The following EDA variants were observed in gnomAD, a reference collection of about 807,000 sequenced individuals.
EDA encodes ectodysplasin A.
EDA carries 2 observed loss-of-function variants against 23.6 expected under a neutral mutation model. That is an observed-to-expected ratio of 0.08 (90% confidence interval 0.03 to 0.27). The LOEUF (loss-of-function observed/expected upper bound fraction) is 0.27, where lower values mean the gene tolerates loss of function less well. Among genes scored for constraint, EDA ranks in the 10% least tolerant of loss-of-function variants. The pLI, the probability that EDA is intolerant of heterozygous loss-of-function variation, is 1.00. For missense variants in EDA, 229 were observed against 324.2 expected (o/e 0.71, Z 2.26); for synonymous variants, 131 against 132.0 (o/e 0.99, Z 0.05).
At chrX:69,925,341 T>C (rs1046856958) in intron 1 of EDA, among the ~76,000 whole-genome samples, 7 of 112,029 alleles carry the variant, frequency 6.2e-5, no homozygotes, top group African/African-American at 9.7e-5. Context: ...ACTTAGTTTA[T>C]TGAGAGTTTT....
chrX:69,888,977 G>GTT (rs2017873328), intron 1 of EDA, among the ~76,000 whole-genome samples: 1 of 13,247 alleles, frequency 7.5e-5, no homozygotes, highest in Non-Finnish European at 1.3e-4. Context: ...TTGTGGGGTA[G>GTT]TTATATATAT....
chrX:70,013,947 G>A (rs1365702707), intron 2 of EDA, among the ~76,000 whole-genome samples: 1 of 111,803 alleles, frequency 8.9e-6, no homozygotes, highest in Non-Finnish European at 1.9e-5. Flanking sequence ...TGGGCCCACG[G>A]CACAGCTGCC....
intron 2 of EDA, among the ~76,000 whole-genome samples, chrX:69,972,856 C>T (rs1192536209): frequency 8.9e-6 from 1 of 111,821 alleles, no homozygotes; most frequent in Admixed American, 9.5e-5. Context: ...GGCCTTCCAA[C>T]TACCTATTGC....
chrX:69,956,112 C>T (rs1187763838), intron 1 of EDA, among the ~76,000 whole-genome samples: 4 of 111,292 alleles, frequency 3.6e-5, no homozygotes, highest in African/African-American at 1.3e-4. Flanking sequence ...TAATTGTGTA[C>T]TTTGTCATGA....
At chrX:69,850,191 C>T (rs2017097622) in intron 1 of EDA, among the ~76,000 whole-genome samples, 1 of 111,989 alleles carries the variant, frequency 8.9e-6, no homozygotes, top group Non-Finnish European at 1.9e-5. Flanking sequence ...TCCTTAAAAA[C>T]AGATGGCCAG....
At chrX:69,638,236 A>G (rs1382312899) in intron 1 of EDA, among the ~76,000 whole-genome samples, 1 of 111,810 alleles carries the variant, frequency 8.9e-6, no homozygotes, top group Non-Finnish European at 1.9e-5. Context: ...GAATTATACA[A>G]AAAACAAGAA....
intron 1 of EDA, among the ~76,000 whole-genome samples, chrX:69,813,315 C>T: frequency 9.0e-6 from 1 of 111,370 alleles, no homozygotes; most frequent in Non-Finnish European, 1.9e-5. Context: ...GTCTCTGTAC[C>T]TTTGTACATT....
intron 1 of EDA, among the ~76,000 whole-genome samples, chrX:69,920,039 C>T (rs1439988719): frequency 9.0e-6 from 1 of 111,004 alleles, no homozygotes; most frequent in East Asian, 2.8e-4. Flanking sequence ...GCATACTTTT[C>T]TCCTTCTTTT....
intron 1 of EDA, among the ~76,000 whole-genome samples, chrX:69,654,036 T>G (rs1267153612): frequency 9.0e-6 from 1 of 111,263 alleles, no homozygotes; most frequent in Admixed American, 9.5e-5. Context: ...GGAGAAAATT[T>G]TTGCAACCTA....
intron 1 of EDA, among the ~76,000 whole-genome samples, chrX:69,922,241 A>T (rs1252992919): frequency 8.9e-6 from 1 of 112,352 alleles, no homozygotes; most frequent in Admixed American, 9.5e-5. Context: ...AATTTTGGTG[A>T]TTATGAGTAA....
chrX:69,681,261 C>G (rs1167473346), intron 1 of EDA, among the ~76,000 whole-genome samples: 1 of 110,000 alleles, frequency 9.1e-6, no homozygotes, highest in East Asian at 2.9e-4. Flanking sequence ...AACATTTTTT[C>G]CTTCATTTCA....
chrX:69,842,046 G>C, intron 1 of EDA, among the ~76,000 whole-genome samples: 1 of 112,254 alleles, frequency 8.9e-6, no homozygotes, highest in Non-Finnish European at 1.9e-5. Flanking sequence ...TCTGTGGCCT[G>C]TTAGGAACCA....
At position 69,630,980 on chromosome X, in the gene EDA, C is replaced by T. The variant is rs1233312663; in HGVS notation, c.396+14276C>T. Among the ~76,000 whole-genome samples the T allele has an allele frequency of 9.9e-5, 11 of 111,637 alleles. No individual in the cohort carries two copies. The Admixed American group carries it at 1.0e-3, about 11-fold the overall frequency. ...TTGGTTCACCTTAGGTAGGTCATTT[C>T]ATCTTTCTGGCTCTCTGTTTACTTA... On this transcript the variant is annotated intron_variant, in intron 1 of 7. Transcript: ENST00000374552.
Position 70,035,752 on chromosome X carries a change from G to A in EDA, c.*143G>A. 1.3e-6 allele frequency: 1 copy of A among 776,351 alleles called. No homozygotes were observed. Among genetic ancestry groups the A allele is most frequent in the Non-Finnish European group, 1.9e-6 (1 of 535,433 alleles). 64.0% of individuals were successfully genotyped at this position (776,351 alleles called of 1,213,427 possible). A position where few individuals can be genotyped will look rare whatever the true frequency, so the allele number is the denominator to read the frequency against. On this transcript the variant is annotated 3_prime_UTR_variant, in exon 8 of 8. Transcript: ENST00000374552. ...GCCCCAGTGTTATTTATTCCCCAGTGACTCCAGGGTGACAAGGCCTGCTTG... is the reference window on the plus strand; with the variant it reads ...GCCCCAGTGTTATTTATTCCCCAGTAACTCCAGGGTGACAAGGCCTGCTTG...
intron 1 of EDA, among the ~76,000 whole-genome samples, chrX:69,811,578 G>T (rs990907307): frequency 5.4e-5 from 6 of 111,567 alleles, no homozygotes; most frequent in African/African-American, 2.0e-4. Flanking sequence ...GGTAGTGATG[G>T]TTATTGCCCT....
intron 1 of EDA, among the ~76,000 whole-genome samples, chrX:69,711,978 TTG>T (rs2012069722): frequency 9.0e-6 from 1 of 111,417 alleles, no homozygotes. Flanking sequence ...GAAGGGTTTT[TTG>T]TGTCTCTATT....
At chrX:69,737,625 A>T (rs1468973528) in intron 1 of EDA, among the ~76,000 whole-genome samples, 2 of 112,527 alleles carry the variant, frequency 1.8e-5, no homozygotes, top group Non-Finnish European at 3.8e-5. Flanking sequence ...AAGAAGAATT[A>T]AAAAATGATT....
At chrX:69,624,789 CCTCTCTCTCT>C (rs751401580) in intron 1 of EDA, among the ~76,000 whole-genome samples, 19 of 95,777 alleles carry the variant, frequency 2.0e-4, no homozygotes, top group South Asian at 1.5e-3. Flanking sequence ...GTCAGAAGCT[CCTCTCTCTCT>C]CTCTCTCTCT....
At chrX:69,999,620 G>GAA (rs772656027) in intron 2 of EDA, among the ~76,000 whole-genome samples, 15,794 of 76,923 alleles carry the variant, frequency 0.21, 1,647 homozygotes, top group Non-Finnish European at 0.27. Context: ...CTGTCTCAGA[G>GAA]AAAAAAAAAA....
Sources: gnomAD v4.1 joint callset for allele counts (sites outside exome capture counted in the v4.1 genomes callset) on GRCh38, gnomAD v4.1.1 for gene constraint, MANE v1.5 for transcripts, NCBI Gene and HGNC (gene_info 2026-07-23, HGNC 2026-07-21) for gene names.